SMIM31: variants seen among roughly 807,000 people sequenced by gnomAD.
SMIM31 encodes the protein small integral membrane protein 31.
At chr4:164,784,292 G>T (rs1211866144) in intron 2 of SMIM31, among the ~76,000 whole-genome samples, 1 of 152,170 alleles carries the variant, frequency 6.6e-6, no homozygotes, top group African/African-American at 2.4e-5. Flanking sequence ...ATAGACTAAT[G>T]ACCGCAGTTT....
intron 2 of SMIM31, among the ~76,000 whole-genome samples, chr4:164,799,360 G>A (rs1400119132): frequency 1.3e-5 from 2 of 151,870 alleles, no homozygotes; most frequent in African/African-American, 2.4e-5. Context: ...ACTCCAGCCT[G>A]GGCAACAGAG....
intron 1 of SMIM31, among the ~76,000 whole-genome samples, chr4:164,758,689 A>G (rs1454084267): frequency 8.0e-6 from 1 of 124,668 alleles, no homozygotes; most frequent in Non-Finnish European, 1.6e-5. Flanking sequence ...GCTAGACTGC[A>G]GTGACGTGAT....
At chr4:164,768,611 C>A (rs1314880545) in intron 1 of SMIM31, among the ~76,000 whole-genome samples, 1 of 152,080 alleles carries the variant, frequency 6.6e-6, no homozygotes, top group Non-Finnish European at 1.5e-5. Flanking sequence ...ATAGGAGAAA[C>A]CATTTTGCAT....
At chr4:164,772,791 G>C (rs185357241) in intron 2 of SMIM31, among the ~76,000 whole-genome samples, 2 of 151,184 alleles carry the variant, frequency 1.3e-5, no homozygotes, top group African/African-American at 4.8e-5. Flanking sequence ...TGTTAGCCGG[G>C]ATGGTCTCGA....
chr4:164,798,155 T>G (rs1170483125), intron 2 of SMIM31, among the ~76,000 whole-genome samples: 1 of 152,218 alleles, frequency 6.6e-6, no homozygotes, highest in East Asian at 1.9e-4. Flanking sequence ...TAGGTTTAAT[T>G]CCATATCTTT....
intron 2 of SMIM31, among the ~76,000 whole-genome samples, chr4:164,783,979 T>A (rs1732995215): frequency 6.6e-6 from 1 of 152,212 alleles, no homozygotes; most frequent in Non-Finnish European, 1.5e-5. Flanking sequence ...AGTACTGCTT[T>A]AGTAACTTGG....
At chr4:164,776,088 T>G (rs973097552) in intron 2 of SMIM31, among the ~76,000 whole-genome samples, 3 of 152,156 alleles carry the variant, frequency 2.0e-5, no homozygotes, top group African/African-American at 4.8e-5. Flanking sequence ...TTGTTCCAAG[T>G]AGAAAATGTC....
intron 2 of SMIM31, among the ~76,000 whole-genome samples, chr4:164,788,134 C>T (rs1270320004): frequency 1.3e-5 from 2 of 152,140 alleles, no homozygotes; most frequent in African/African-American, 4.8e-5. Context: ...CGTCAGCAAT[C>T]CATTGAACCC....
At chr4:164,772,236 G>C (rs1437499159) in intron 2 of SMIM31, among the ~76,000 whole-genome samples, 2 of 149,990 alleles carry the variant, frequency 1.3e-5, no homozygotes, top group East Asian at 4.0e-4. Context: ...GAGGGAGAAG[G>C]GGGAGGGGAG....
intron 2 of SMIM31, among the ~76,000 whole-genome samples, chr4:164,782,976 T>C (rs961245208): frequency 2.0e-5 from 3 of 152,156 alleles, no homozygotes; most frequent in East Asian, 1.9e-4. Context: ...TCCCAGCACG[T>C]TGGGTGGCCG....
chr4:164,789,177 A>G (rs1343754461), intron 2 of SMIM31, among the ~76,000 whole-genome samples: 1 of 152,206 alleles, frequency 6.6e-6, no homozygotes, highest in Non-Finnish European at 1.5e-5. Flanking sequence ...CTTCAAGGCT[A>G]GCCTCTGAAT....
intron 2 of SMIM31, among the ~76,000 whole-genome samples, chr4:164,771,227 A>C (rs1023030931): frequency 3.9e-5 from 6 of 152,240 alleles, no homozygotes; most frequent in Admixed American, 3.3e-4. Context: ...CAGTAAATAG[A>C]CATTCCAGTT....
intron 2 of SMIM31, among the ~76,000 whole-genome samples, chr4:164,786,431 A>G (rs1034504602): frequency 6.6e-6 from 1 of 152,238 alleles, no homozygotes; most frequent in African/African-American, 2.4e-5. Flanking sequence ...CCTTAGGGAT[A>G]GTTAAAATTC....
At chr4:164,782,466 C>A (rs1732965721) in intron 2 of SMIM31, among the ~76,000 whole-genome samples, 1 of 145,692 alleles carries the variant, frequency 6.9e-6, no homozygotes, top group South Asian at 2.2e-4. Flanking sequence ...GCAAGCTCCG[C>A]TTCCCAGGTT....
intron 1 of SMIM31, among the ~76,000 whole-genome samples, chr4:164,767,726 C>T (rs184423015): frequency 6.6e-6 from 1 of 152,318 alleles, no homozygotes; most frequent in Non-Finnish European, 1.5e-5. Flanking sequence ...GAATTTAGGG[C>T]ATAGTTGTGG....
chr4:164,779,404 T>A (rs1287472333), intron 2 of SMIM31, among the ~76,000 whole-genome samples: 1 of 152,256 alleles, frequency 6.6e-6, no homozygotes, highest in African/African-American at 2.4e-5. Flanking sequence ...CTTCTGCTTC[T>A]TCTTCGTAAA....
chr4:164,796,563 G>T (rs1733198251), intron 2 of SMIM31, among the ~76,000 whole-genome samples: 1 of 152,138 alleles, frequency 6.6e-6, no homozygotes, highest in African/African-American at 2.4e-5. Flanking sequence ...TTTCTGCTCA[G>T]CATGCCTACT....
rs1340592268 is a variant in SMIM31, at chr4:164,782,372, CTTTTA to C, written c.112+11822_112+11826del. On this transcript the variant is annotated intron_variant, in intron 2 of 2. Coordinates refer to ENST00000507311, the MANE Select transcript of SMIM31 (RefSeq NM_001352885.1). ...CTATAAAACACTACTTTATCTCTTT[CTTTTA>C]TTTTTTTTTTTTTTTTTTTGAGACG... Among the ~76,000 whole-genome samples, 814 of 135,768 alleles carry C rather than the reference CTTTTA, an allele frequency of 6.0e-3. 27 individuals carry two copies. The highest frequency in any genetic ancestry group is 0.026 in the African/African-American group (760 of 29,370). The allele number at this position is 135,768 out of a possible 152,430, so 89.1% of individuals were successfully genotyped here. A position where few individuals can be genotyped will look rare whatever the true frequency, so the allele number is the denominator to read the frequency against.
chr4:164,757,639 A>G (rs759619572), intron 1 of SMIM31, among the ~76,000 whole-genome samples: 19 of 151,724 alleles, frequency 1.3e-4, no homozygotes, highest in Non-Finnish European at 2.5e-4. Flanking sequence ...TTTCCTATAA[A>G]TGTCTCATCG....
Sources: allele counts gnomAD v4.1 joint callset (sites outside exome capture counted in the v4.1 genomes callset), GRCh38; gene constraint gnomAD v4.1.1; transcripts MANE v1.5; gene names NCBI Gene and HGNC (gene_info 2026-07-23, HGNC 2026-07-21).